The following GIGYF2 variants were observed in gnomAD, a reference collection of about 807,000 sequenced individuals.
The protein encoded by GIGYF2 is GRB10 interacting GYF protein 2.
In GIGYF2, 25 loss-of-function variants were observed where a neutral mutation model predicts 208.1. That is an observed-to-expected ratio of 0.12 (90% confidence interval 0.09 to 0.17). The LOEUF is 0.17. GIGYF2 is among the 10% of genes least tolerant of loss of function. The probability of loss-of-function intolerance (pLI) is 1.00; values close to 1 mark genes in which losing one functional copy is unlikely to be tolerated. For missense variants in GIGYF2, 1,302 were observed against 1,579.4 expected (o/e 0.82, Z 2.98); for synonymous variants, 534 against 543.8 (o/e 0.98, Z 0.25).
intron 8 of GIGYF2, among the ~76,000 whole-genome samples, chr2:232,762,545 C>T (rs531086812): frequency 1.8e-4 from 27 of 152,176 alleles, no homozygotes; most frequent in African/African-American, 6.0e-4. Flanking sequence ...GCCACTGTAC[C>T]GGGCAGTGGT....
chr2:232,741,147 C>G (rs1398954782), intron 3 of GIGYF2, among the ~76,000 whole-genome samples: 2 of 152,230 alleles, frequency 1.3e-5, no homozygotes, highest in East Asian at 3.8e-4. Context: ...ATCTCATACT[C>G]TATACTTTTC....
chr2:232,734,019 G>A (rs1290873222), intron 2 of GIGYF2, among the ~76,000 whole-genome samples: 1 of 150,516 alleles, frequency 6.6e-6, no homozygotes. Flanking sequence ...CTTTTGAAAT[G>A]TCACTTGTGA....
chr2:232,784,436 C>T (rs1023220368), intron 8 of GIGYF2, among the ~76,000 whole-genome samples: 1 of 126,240 alleles, frequency 7.9e-6, no homozygotes, highest in African/African-American at 2.9e-5. Context: ...GTCACCCAGG[C>T]TGGAGAGCAG....
intron 16 of GIGYF2, chr2:232,810,787 A>G (rs1700710774): frequency 5.1e-6 from 1 of 194,440 alleles, no homozygotes; most frequent in Admixed American, 5.4e-5. Flanking sequence ...AAAATTACCT[A>G]AATTTTTCCA....
At chr2:232,756,096 T>C in intron 5 of GIGYF2, 127 bp from the exon 6 acceptor site, 1 of 625,728 alleles carries the variant, frequency 1.6e-6, no homozygotes, top group Non-Finnish European at 2.8e-6. Flanking sequence ...TTGCTAGTAG[T>C]AATTAGATGC....
chr2:232,825,365 A>C (rs1430354659), intron 21 of GIGYF2, among the ~76,000 whole-genome samples: 1 of 152,232 alleles, frequency 6.6e-6, no homozygotes, highest in East Asian at 1.9e-4. Flanking sequence ...CAAAATGTCA[A>C]CATTAACAGA....
chr2:232,821,872 G>A (rs966274481), intron 21 of GIGYF2, among the ~76,000 whole-genome samples: 3 of 149,622 alleles, frequency 2.0e-5, no homozygotes, highest in Admixed American at 6.6e-5. Flanking sequence ...TCCAGTGCCT[G>A]TTTTTGCAAA....
intron 5 of GIGYF2, among the ~76,000 whole-genome samples, chr2:232,751,637 G>A (rs941933460): frequency 6.6e-6 from 1 of 151,872 alleles, no homozygotes; most frequent in Non-Finnish European, 1.5e-5. Flanking sequence ...TCCTTTTTAT[G>A]TTTCTTTAAA....
intron 2 of GIGYF2, among the ~76,000 whole-genome samples, chr2:232,712,905 A>G (rs1252299850): frequency 6.6e-6 from 1 of 152,314 alleles, no homozygotes; most frequent in East Asian, 1.9e-4. Flanking sequence ...CTAAGTAGAT[A>G]AGAGTTTGTT....
At chr2:232,709,593 G>A (rs1405272033) in intron 2 of GIGYF2, among the ~76,000 whole-genome samples, 1 of 151,900 alleles carries the variant, frequency 6.6e-6, no homozygotes. Context: ...GGTGGATCAC[G>A]AGGTCAAGAG....
intron 14 of GIGYF2, among the ~76,000 whole-genome samples, chr2:232,800,871 T>G (rs1190580794): frequency 6.6e-6 from 1 of 152,084 alleles, no homozygotes; most frequent in Non-Finnish European, 1.5e-5. Context: ...GGCAACATAG[T>G]GAGACCCTGT....
chr2:232,833,866 A>G (rs577853315), intron 22 of GIGYF2, among the ~76,000 whole-genome samples: 2 of 152,302 alleles, frequency 1.3e-5, no homozygotes, highest in Non-Finnish European at 2.9e-5. Flanking sequence ...TGTTGTTTTA[A>G]AGAGGATTCA....
At position 232,772,178 on chromosome 2, in the gene GIGYF2, C is replaced by T. The variant is rs551520108; in HGVS notation, c.532+10742C>T. 5.2e-3 allele frequency among the ~76,000 whole-genome samples: 784 copies of T among 152,196 alleles called. 4 individuals carry two copies. The highest frequency in any genetic ancestry group is 0.018 in the African/African-American group (757 of 41,524). On this transcript the variant is annotated intron_variant, in intron 8 of 28. Coordinates refer to ENST00000373563, the MANE Select transcript of GIGYF2 (RefSeq NM_001103146.3). ...ATCTTCCCACTTCAGCCTTCCAAAG[C>T]GCTGGGATTACAGGGGTGAGCCACC...
intron 18 of GIGYF2, among the ~76,000 whole-genome samples, chr2:232,813,449 C>T (rs1435228960): frequency 6.6e-6 from 1 of 152,162 alleles, no homozygotes; most frequent in Non-Finnish European, 1.5e-5. Context: ...TCAAGTGATC[C>T]GCCCACCTTG....
chr2:232,722,978 T>C (rs1160068507), intron 2 of GIGYF2, among the ~76,000 whole-genome samples: 1 of 152,154 alleles, frequency 6.6e-6, no homozygotes, highest in East Asian at 1.9e-4. Context: ...TTGTTTATTT[T>C]AAAATTATTT....
chr2:232,697,825 A>AACAGCTGCTGCGGCCAG (rs1260561895), intron 1 of GIGYF2, among the ~76,000 whole-genome samples: 8 of 152,176 alleles, frequency 5.3e-5, no homozygotes, highest in Admixed American at 3.9e-4. Flanking sequence ...GTGGCCCGGT[A>AACAGCTGCTGCGGCCAG]ACAGCTGCTG....
rs552526712 is a variant in GIGYF2 at position 232,858,457 on chromosome 2, A to G, written c.*1597A>G. Reference sequence around the variant, plus strand: ...TTTGGATCAAATAGCATGAGGGGAGAGGAAACCATTAAAAGTTGGGGCTCC... The same window carrying G: ...TTTGGATCAAATAGCATGAGGGGAGGGGAAACCATTAAAAGTTGGGGCTCC... On this transcript the variant is annotated 3_prime_UTR_variant, in exon 29 of 29. Coordinates refer to ENST00000373563, the MANE Select transcript of GIGYF2 (RefSeq NM_001103146.3). 2.2e-6 allele frequency: 1 copy of G among 455,536 alleles called. No homozygotes were observed. The highest frequency in any genetic ancestry group is 2.0e-5 in the African/African-American group (1 of 50,012). The allele number at this position is 455,536 out of a possible 1,614,324, so 28.2% of individuals were successfully genotyped here.
chr2:232,762,322 G>A (rs1397947102), intron 8 of GIGYF2, among the ~76,000 whole-genome samples: 1 of 149,000 alleles, frequency 6.7e-6, no homozygotes, highest in African/African-American at 2.5e-5. Flanking sequence ...GTGTGGTCTC[G>A]GCTCACTGCA....
At chr2:232,831,198 A>T (rs893520213) in intron 21 of GIGYF2, among the ~76,000 whole-genome samples, 2 of 152,162 alleles carry the variant, frequency 1.3e-5, no homozygotes, top group Non-Finnish European at 2.9e-5. Context: ...CCCCCTTACT[A>T]CTGTAAGTAG....
Sources: gnomAD v4.1 joint callset for allele counts (sites outside exome capture counted in the v4.1 genomes callset) on GRCh38, gnomAD v4.1.1 for gene constraint, MANE v1.5 for transcripts, NCBI Gene and HGNC (gene_info 2026-07-23, HGNC 2026-07-21) for gene names.